The following PDZRN3 variants were observed in gnomAD, a reference collection of about 807,000 sequenced individuals.
PDZRN3 encodes the protein PDZ domain containing ring finger 3.
Under a neutral mutation model 85.7 loss-of-function variants are expected in PDZRN3, and 38 were observed. That is an observed-to-expected ratio of 0.44 (90% CI 0.34 to 0.58). The LOEUF is 0.58. Ranked by LOEUF, PDZRN3 falls within the 20% of genes least tolerant of loss-of-function variation. The pLI, the probability that PDZRN3 is intolerant of heterozygous loss-of-function variation, is 0.01. For missense variants in PDZRN3, 1,629 were observed against 1,506.4 expected (o/e 1.08, Z -1.35); for synonymous variants, 759 against 638.0 (o/e 1.19, Z -2.86).
intron 3 of PDZRN3, among the ~76,000 whole-genome samples, chr3:73,592,189 A>C (rs886135949): frequency 2.0e-5 from 3 of 152,196 alleles, no homozygotes; most frequent in Non-Finnish European, 4.4e-5. Context: ...CCTCAAATCA[A>C]TATGTCTGGA....
chr3:73,387,995 T>G lies in PDZRN3; in HGVS notation c.1491A>C (p.Ser497=). 1.3e-6 allele frequency: 2 copies of G among 1,587,630 alleles called. No homozygotes were observed. The highest frequency in any genetic ancestry group is 1.7e-6 in the Non-Finnish European group (2 of 1,160,850). Residue 497 remains serine, a synonymous_variant, in exon 8 of 10, where the codon TCA becomes TCC. Transcript: ENST00000263666. ...GGAGTTCAGGCCTTGCAATCAGCAA[T>G]GAAAAGTTTTTATTTTCTTCACTGG... ...LLTSEENKNF[S]LLIARPELQL...
At chr3:73,512,908 T>C (rs765398353) in intron 3 of PDZRN3, among the ~76,000 whole-genome samples, 25 of 152,364 alleles carry the variant, frequency 1.6e-4, no homozygotes, top group Admixed American at 4.6e-4. Flanking sequence ...ATTTTTAGTA[T>C]TGTCCAGATT....
At chr3:73,580,384 C>T (rs1378537048) in intron 3 of PDZRN3, among the ~76,000 whole-genome samples, 4 of 152,218 alleles carry the variant, frequency 2.6e-5, no homozygotes, top group Admixed American at 1.3e-4. Flanking sequence ...TGAGAGATAA[C>T]GCAGGCCTCT....
intron 1 of PDZRN3, among the ~76,000 whole-genome samples, chr3:73,616,920 G>T (rs1341994540): frequency 1.3e-5 from 2 of 152,222 alleles, no homozygotes; most frequent in Non-Finnish European, 2.9e-5. Flanking sequence ...CCCGAATATT[G>T]CTGATCCCAG....
rs552378091 is a variant in PDZRN3 at position 73,407,181 on chromosome 3, T to A, written c.919-2786A>T. Among the ~76,000 whole-genome samples, 8 of 152,310 alleles carry A rather than the reference T, an allele frequency of 5.3e-5. No individual in the cohort carries two copies. In the South Asian group the frequency reaches 1.7e-3, roughly 32 times the overall value. Reference sequence around the variant, plus strand: ...GAGCTGCTAGGGAGCTCTGAGGTTTTGTCCATCCTTAAACTAGGACTAAAC... The same window carrying A: ...GAGCTGCTAGGGAGCTCTGAGGTTTAGTCCATCCTTAAACTAGGACTAAAC... On this transcript the variant is annotated intron_variant, in intron 3 of 9. Transcript: ENST00000263666.
intron 1 of PDZRN3, among the ~76,000 whole-genome samples, chr3:73,612,361 T>G (rs1174836614): frequency 1.3e-5 from 2 of 152,222 alleles, no homozygotes; most frequent in African/African-American, 2.4e-5. Flanking sequence ...TTGCACCCTG[T>G]TCTAAATCCT....
At chr3:73,425,878 T>C (rs1702303498) in intron 3 of PDZRN3, among the ~76,000 whole-genome samples, 1 of 152,186 alleles carries the variant, frequency 6.6e-6, no homozygotes, top group African/African-American at 2.4e-5. Context: ...ATTATGGTGA[T>C]AGCTATACAG....
chr3:73,564,265 T>C (rs73100488), intron 3 of PDZRN3, among the ~76,000 whole-genome samples: 6,491 of 152,272 alleles, frequency 0.043, 183 homozygotes, highest in South Asian at 0.068. Context: ...GTACCTACTT[T>C]GCAGAGCTGT....
At chr3:73,592,479 A>G (rs9845229) in intron 3 of PDZRN3, among the ~76,000 whole-genome samples, 105,013 of 151,870 alleles carry the variant, frequency 0.69, 36,970 homozygotes, top group African/African-American at 0.82. Flanking sequence ...AGAAGGAAGC[A>G]ATGAAAGAAG....
intron 5 of PDZRN3, among the ~76,000 whole-genome samples, chr3:73,396,568 T>C (rs1293720972): frequency 6.6e-6 from 1 of 152,214 alleles, no homozygotes; most frequent in Non-Finnish European, 1.5e-5. Context: ...CCTGGTTCCC[T>C]TCTGATATAC....
At chr3:73,532,744 G>T (rs766621207) in intron 3 of PDZRN3, among the ~76,000 whole-genome samples, 1 of 152,184 alleles carries the variant, frequency 6.6e-6, no homozygotes, top group Non-Finnish European at 1.5e-5. Flanking sequence ...GTTCAGTCCT[G>T]GGAGAATAAG....
intron 3 of PDZRN3, among the ~76,000 whole-genome samples, chr3:73,555,384 G>A (rs888415234): frequency 6.6e-6 from 1 of 152,196 alleles, no homozygotes; most frequent in African/African-American, 2.4e-5. Flanking sequence ...GAAATGCAGA[G>A]CCAAACTCTG....
intron 3 of PDZRN3, among the ~76,000 whole-genome samples, chr3:73,595,338 G>C (rs956686430): frequency 5.1e-4 from 77 of 152,268 alleles, no homozygotes; most frequent in African/African-American, 1.8e-3. Context: ...TTCTTAAGTG[G>C]ATAACTGCTA....
chr3:73,411,784 G>A (rs966254807), intron 3 of PDZRN3, among the ~76,000 whole-genome samples: 3 of 152,152 alleles, frequency 2.0e-5, no homozygotes, highest in Non-Finnish European at 2.9e-5. Flanking sequence ...TCCGTGCTTC[G>A]TTGCTCACCT....
intron 3 of PDZRN3, among the ~76,000 whole-genome samples, chr3:73,591,078 T>C (rs1702350707): frequency 6.6e-6 from 1 of 152,224 alleles, no homozygotes; most frequent in Non-Finnish European, 1.5e-5. Context: ...TTATGTCTTA[T>C]TGTATTTTTC....
chr3:73,465,535 G>C (rs13327161), intron 3 of PDZRN3, among the ~76,000 whole-genome samples: 180 of 152,280 alleles, frequency 1.2e-3, no homozygotes, highest in African/African-American at 4.1e-3. Context: ...AACCTCTTAA[G>C]GGACAGAAGT....
At chr3:73,603,626 A>G (rs1702548697) in intron 2 of PDZRN3, among the ~76,000 whole-genome samples, 1 of 152,238 alleles carries the variant, frequency 6.6e-6, no homozygotes, top group Non-Finnish European at 1.5e-5. Flanking sequence ...ATTTATTTCA[A>G]TAACAATTAC....
chr3:73,599,484 G>C (rs1004351643), intron 3 of PDZRN3, among the ~76,000 whole-genome samples: 3 of 152,296 alleles, frequency 2.0e-5, no homozygotes, highest in Admixed American at 6.5e-5. Flanking sequence ...AGATGAAAAA[G>C]TTCTGGAGAT....
chr3:73,560,081 T>C (rs921074967), intron 3 of PDZRN3, among the ~76,000 whole-genome samples: 8 of 152,226 alleles, frequency 5.3e-5, no homozygotes, highest in Admixed American at 4.6e-4. Context: ...CACCAGACAG[T>C]GCCTGCTCTC....
Sources: gnomAD v4.1 joint callset for allele counts (sites outside exome capture counted in the v4.1 genomes callset) on GRCh38, gnomAD v4.1.1 for gene constraint, MANE v1.5 for transcripts, NCBI Gene and HGNC (gene_info 2026-07-23, HGNC 2026-07-21) for gene names.